The following ROBO2 variants were observed in gnomAD, a reference collection of about 807,000 sequenced individuals.
ROBO2 encodes roundabout homolog 2.
Under a neutral mutation model 160.8 loss-of-function variants are expected in ROBO2, and 53 were observed. The observed-to-expected ratio is 0.33, with a 90% CI of 0.26 to 0.41. The LOEUF is 0.41. Among genes scored for constraint, ROBO2 ranks in the 10% least tolerant of loss-of-function variants. The pLI, the probability that ROBO2 is intolerant of heterozygous loss-of-function variation, is 1.00. For synonymous variants in ROBO2, 664 were observed against 611.7 expected, an observed-to-expected ratio of 1.09 and a Z score of -1.26; for missense variants, 1,577 against 1,722.4, an observed-to-expected ratio of 0.92 and a Z score of 1.49.
At chr3:77,394,171 A>C (rs776664295) in intron 2 of ROBO2, among the ~76,000 whole-genome samples, 2 of 152,140 alleles carry the variant, frequency 1.3e-5, no homozygotes, top group Non-Finnish European at 2.9e-5. Flanking sequence ...GGAAGCTAGC[A>C]TCCATCTTCC....
At chr3:77,328,218 C>A (rs1460310411) in intron 2 of ROBO2, among the ~76,000 whole-genome samples, 4 of 152,024 alleles carry the variant, frequency 2.6e-5, no homozygotes, top group South Asian at 4.2e-4. Flanking sequence ...CTTTCTGCTG[C>A]GCCCATGATG....
intron 5 of ROBO2, among the ~76,000 whole-genome samples, chr3:77,510,003 T>G (rs914427730): frequency 1.3e-5 from 2 of 151,976 alleles, no homozygotes; most frequent in South Asian, 4.1e-4. Context: ...GCTCAGCATA[T>G]GCAGGGATGC....
At chr3:77,057,791 G>A (rs1024939270) in intron 1 of ROBO2, among the ~76,000 whole-genome samples, 6 of 151,790 alleles carry the variant, frequency 4.0e-5, no homozygotes, top group Non-Finnish European at 7.4e-5. Context: ...GGATGGTCTC[G>A]ATCTCCTGAC....
chr3:77,599,865 A>G (rs777536138), intron 19 of ROBO2, among the ~76,000 whole-genome samples: 2 of 152,194 alleles, frequency 1.3e-5, no homozygotes, highest in Admixed American at 6.5e-5. Flanking sequence ...ATGAAAATGC[A>G]GACATAAATC....
intron 2 of ROBO2, among the ~76,000 whole-genome samples, chr3:77,182,018 T>C (rs1408269681): frequency 6.6e-6 from 1 of 152,078 alleles, no homozygotes; most frequent in Non-Finnish European, 1.5e-5. Context: ...GTTATGAAAG[T>C]TTTTAGTCAC....
intron 2 of ROBO2, among the ~76,000 whole-genome samples, chr3:76,495,938 A>C (rs904780756): frequency 1.3e-5 from 2 of 152,198 alleles, no homozygotes; most frequent in African/African-American, 4.8e-5. Flanking sequence ...AATATTTTGT[A>C]ATGAATTTAA....
At chr3:77,409,685 C>T (rs577026841) in intron 2 of ROBO2, among the ~76,000 whole-genome samples, 15 of 152,072 alleles carry the variant, frequency 9.9e-5, no homozygotes, top group Admixed American at 2.0e-4. Context: ...AGGACTGGAC[C>T]GTGGGTAAGC....
chr3:76,260,304 G>GT (rs1417508913), intron 2 of ROBO2, among the ~76,000 whole-genome samples: 3 of 151,988 alleles, frequency 2.0e-5, no homozygotes, highest in African/African-American at 4.8e-5. Flanking sequence ...GGCTGATGTT[G>GT]TTTAGTATGG....
At chr3:77,369,975 C>G (rs1160032139) in intron 2 of ROBO2, among the ~76,000 whole-genome samples, 1 of 152,126 alleles carries the variant, frequency 6.6e-6, no homozygotes, top group African/African-American at 2.4e-5. Flanking sequence ...TCTGCAGAGC[C>G]TCCTAAAACA....
rs2086666091 is a variant in ROBO2, at chr3:77,227,816, G to T, written c.388+129476G>T. On this transcript the variant is annotated intron_variant, in intron 2 of 25. Coordinates refer to ENST00000461745, the Ensembl canonical transcript of ROBO2. ...CTTTCAACTGCCTTACTCTGTCATT[G>T]ACTGTCAAGTCAGTCAAAATAGTGA... 3.3e-5 allele frequency among the ~76,000 whole-genome samples: 5 copies of T among 152,300 alleles called. No individual in the cohort carries two copies. The South Asian group carries it at 1.0e-3, about 32-fold the overall frequency.
chr3:77,225,596 C>T (rs1397772373), intron 2 of ROBO2, among the ~76,000 whole-genome samples: 1 of 151,804 alleles, frequency 6.6e-6, no homozygotes, highest in African/African-American at 2.4e-5. Context: ...AAATAAGCAC[C>T]TCTGTGGGTC....
At chr3:76,308,911 C>T (rs1226315903) in intron 2 of ROBO2, among the ~76,000 whole-genome samples, 2 of 152,276 alleles carry the variant, frequency 1.3e-5, no homozygotes, top group South Asian at 4.1e-4. Flanking sequence ...CCAGCTTTAC[C>T]CCATTTCAGG....
intron 2 of ROBO2, among the ~76,000 whole-genome samples, chr3:77,383,665 C>T (rs1384040898): frequency 6.6e-6 from 1 of 152,020 alleles, no homozygotes; most frequent in African/African-American, 2.4e-5. Flanking sequence ...TTGATTTTAA[C>T]CTAAAAGCTG....
At chr3:77,301,271 C>A (rs1293232653) in intron 2 of ROBO2, among the ~76,000 whole-genome samples, 1 of 151,810 alleles carries the variant, frequency 6.6e-6, no homozygotes, top group Non-Finnish European at 1.5e-5. Flanking sequence ...TTTAAAGAGT[C>A]CAATTTCCTA....
intron 2 of ROBO2, among the ~76,000 whole-genome samples, chr3:76,583,509 A>G (rs1008014568): frequency 3.9e-5 from 6 of 152,146 alleles, no homozygotes; most frequent in African/African-American, 1.4e-4. Flanking sequence ...ACTTCCCACA[A>G]CATTTTAACA....
intron 24 of ROBO2, among the ~76,000 whole-genome samples, chr3:77,644,140 ATTAT>A (rs1448680803): frequency 6.6e-6 from 1 of 152,026 alleles, no homozygotes; most frequent in Non-Finnish European, 1.5e-5. Context: ...AAATTAGCAT[ATTAT>A]TTATTTAAAT....
At chr3:76,417,551 A>C (rs1300361712) in intron 2 of ROBO2, among the ~76,000 whole-genome samples, 1 of 152,198 alleles carries the variant, frequency 6.6e-6, no homozygotes, top group African/African-American at 2.4e-5. Flanking sequence ...TTGAGGAAAA[A>C]ATAAAGTTAG....
chr3:76,574,079 A>T (rs2085132445), intron 2 of ROBO2, among the ~76,000 whole-genome samples: 1 of 152,142 alleles, frequency 6.6e-6, no homozygotes, highest in Non-Finnish European at 1.5e-5. Context: ...TATCTTGTTC[A>T]TCATTTAATA....
intron 2 of ROBO2, among the ~76,000 whole-genome samples, chr3:75,997,829 G>T (rs1576425865): frequency 6.6e-6 from 1 of 152,224 alleles, no homozygotes; most frequent in African/African-American, 2.4e-5. Flanking sequence ...CAGTGACTAA[G>T]ATATGAACAT....
Sources: allele counts gnomAD v4.1 joint callset (sites outside exome capture counted in the v4.1 genomes callset), GRCh38; gene constraint gnomAD v4.1.1; transcripts MANE v1.5; gene names NCBI Gene and HGNC (gene_info 2026-07-23, HGNC 2026-07-21).